EPM2A: variants seen among roughly 807,000 people sequenced by gnomAD.
EPM2A encodes laforin.
Under a neutral mutation model 26.5 loss-of-function variants are expected in EPM2A, and 21 were observed. That is an observed-to-expected ratio of 0.79 (90% CI 0.56 to 1.14). The LOEUF (loss-of-function observed/expected upper bound fraction) is 1.14. EPM2A is among the 50% of genes most tolerant of loss of function. The pLI is 0.00. For missense variants in EPM2A, 458 were observed against 440.8 expected (o/e 1.04, Z -0.35); for synonymous variants, 217 against 177.6 (o/e 1.22, Z -1.76).
chr6:145,577,270 T>C (rs991121929), intron 2 of EPM2A, among the ~76,000 whole-genome samples: 17 of 151,586 alleles, frequency 1.1e-4, no homozygotes, highest in African/African-American at 4.1e-4. Flanking sequence ...TTCAATTATA[T>C]GCTGCCTAGA....
At chr6:145,539,127 T>C (rs933251122) in intron 2 of EPM2A, among the ~76,000 whole-genome samples, 8 of 152,206 alleles carry the variant, frequency 5.3e-5, no homozygotes, top group Admixed American at 4.6e-4. Flanking sequence ...AAATTCCTTC[T>C]ACACAAACAC....
intron 4 of EPM2A, among the ~76,000 whole-genome samples, chr6:145,410,257 G>A (rs1436389890): frequency 6.6e-6 from 1 of 152,150 alleles, no homozygotes; most frequent in African/African-American, 2.4e-5. Context: ...TGCAAATGTG[G>A]GGATAGAAGA....
intron 1 of EPM2A, among the ~76,000 whole-genome samples, chr6:145,700,471 T>TA (rs1360766975): frequency 1.3e-5 from 2 of 152,142 alleles, no homozygotes; most frequent in East Asian, 3.9e-4. Context: ...AAAGCATCTA[T>TA]ATCAGTATTA....
intron 1 of EPM2A, among the ~76,000 whole-genome samples, chr6:145,693,859 G>A (rs1046102774): frequency 2.6e-5 from 4 of 151,884 alleles, no homozygotes; most frequent in African/African-American, 9.7e-5. Context: ...TGTTCATCAA[G>A]GCAAGTTAGG....
At chr6:145,609,057 G>C (rs1775333359) in intron 2 of EPM2A, among the ~76,000 whole-genome samples, 1 of 152,208 alleles carries the variant, frequency 6.6e-6, no homozygotes. Flanking sequence ...ACAGTAAAAA[G>C]AAGGAAGTTC....
chr6:145,621,614 CTT>C (rs775151848), downstream of EPM2A, among the ~76,000 whole-genome samples: 44 of 142,118 alleles, frequency 3.1e-4, no homozygotes, highest in Non-Finnish European at 3.1e-4. Context: ...CTATCTCTTG[CTT>C]TTTTTTTTTT....
downstream of EPM2A, among the ~76,000 whole-genome samples, chr6:145,496,692 T>TCA (rs1279310299): frequency 6.6e-6 from 1 of 151,842 alleles, no homozygotes; most frequent in Non-Finnish European, 1.5e-5. Context: ...GTTACGTTCT[T>TCA]CACTATACTA....
chr6:145,567,800 CAG>C (rs529458936), intron 2 of EPM2A, among the ~76,000 whole-genome samples: 134 of 152,338 alleles, frequency 8.8e-4, no homozygotes, highest in Non-Finnish European at 1.0e-3. Context: ...TCTGATCATG[CAG>C]AGAGAGCCCA....
chr6:145,680,483 T>C (rs959780359), intron 2 of EPM2A, among the ~76,000 whole-genome samples: 3 of 152,026 alleles, frequency 2.0e-5, no homozygotes, highest in African/African-American at 7.2e-5. Context: ...GCTGGTGTGC[T>C]GCACCCATTA....
intron 4 of EPM2A, chr6:145,491,628 T>C: frequency 5.5e-6 from 2 of 360,674 alleles, no homozygotes; most frequent in South Asian, 4.5e-5. Flanking sequence ...GACATTCGAG[T>C]GGGAAAACAG....
At chr6:145,490,091 T>G (rs906787321) in intron 4 of EPM2A, 3 of 1,277,956 alleles carry the variant, frequency 2.3e-6, no homozygotes, top group Non-Finnish European at 3.3e-6. Context: ...CACACGCACC[T>G]TCCCAATTTG....
At chr6:145,673,322 T>C (rs1239885398) in intron 2 of EPM2A, among the ~76,000 whole-genome samples, 1 of 152,134 alleles carries the variant, frequency 6.6e-6, no homozygotes, top group Non-Finnish European at 1.5e-5. Flanking sequence ...GATGGCCGAA[T>C]AGGAAGCACT....
At chr6:145,677,521 T>A (rs769510023) in intron 2 of EPM2A, among the ~76,000 whole-genome samples, 5 of 152,192 alleles carry the variant, frequency 3.3e-5, no homozygotes, top group Non-Finnish European at 7.3e-5. Context: ...CATGATTGTA[T>A]ATTTAGAAAA....
At chr6:145,524,599 C>T (rs1458628721) in intron 2 of EPM2A, among the ~76,000 whole-genome samples, 1 of 152,026 alleles carries the variant, frequency 6.6e-6, no homozygotes, top group Non-Finnish European at 1.5e-5. Context: ...CTGTTCACAT[C>T]CTTTGCCCAT....
Position 145,627,700 on chromosome 6 carries a change from T to C in EPM2A, c.719-7A>G, listed in dbSNP as rs548548034. 6.2e-7 allele frequency: 1 copy of C among 1,613,666 alleles called. No homozygotes were observed. The highest frequency in any genetic ancestry group is 1.3e-5 in the African/African-American group (1 of 75,020). Reference sequence around the variant, plus strand: ...GGCAGCATCTGTACTCGGCCTGCGGTGGGGAAAGCACAGCACACATGTGAA... The same window carrying C: ...GGCAGCATCTGTACTCGGCCTGCGGCGGGGAAAGCACAGCACACATGTGAA... On this transcript the variant is annotated splice_region_variant and splice_polypyrimidine_tract_variant and intron_variant, in intron 3 of 3. Transcript: ENST00000367519.
At chr6:145,472,448 C>T (rs563308457) in intron 4 of EPM2A, among the ~76,000 whole-genome samples, 9 of 132,822 alleles carry the variant, frequency 6.8e-5, no homozygotes, top group African/African-American at 3.6e-4. Context: ...GGGTAGAGTA[C>T]CAAGCAGGGT....
chr6:145,484,445 C>A (rs991305039), intron 4 of EPM2A, among the ~76,000 whole-genome samples: 1 of 151,952 alleles, frequency 6.6e-6, no homozygotes, highest in Non-Finnish European at 1.5e-5. Context: ...TCCATGTTCA[C>A]CACCCCCAAA....
chr6:145,579,048 G>A (rs953801790), intron 2 of EPM2A, among the ~76,000 whole-genome samples: 1 of 152,018 alleles, frequency 6.6e-6, no homozygotes, highest in Non-Finnish European at 1.5e-5. Flanking sequence ...TATACCTAAT[G>A]TTAAATGACG....
At chr6:145,409,334 C>A (rs1562323979) in intron 4 of EPM2A, among the ~76,000 whole-genome samples, 1 of 151,990 alleles carries the variant, frequency 6.6e-6, no homozygotes, top group Non-Finnish European at 1.5e-5. Context: ...ATATTTTATT[C>A]TTTAGAGACT....
Sources: gnomAD v4.1 joint callset for allele counts (sites outside exome capture counted in the v4.1 genomes callset) on GRCh38, gnomAD v4.1.1 for gene constraint, MANE v1.5 for transcripts, NCBI Gene and HGNC (gene_info 2026-07-23, HGNC 2026-07-21) for gene names.